DMAC2: variants seen among roughly 807,000 people sequenced by gnomAD.
DMAC2 encodes distal membrane-arm assembly complex protein 2.
A neutral mutation model predicts 29.6 loss-of-function variants in DMAC2; 32 were observed. The ratio of observed to expected loss-of-function variants is 1.08; its 90% confidence interval spans 0.81 to 1.45. The LOEUF (loss-of-function observed/expected upper bound fraction) is 1.45, where lower values mean the gene tolerates loss of function less well. Ranked by LOEUF, DMAC2 falls within the 40% of genes most tolerant of loss-of-function variation. The pLI, the probability that DMAC2 is intolerant of heterozygous loss-of-function variation, is 0.00. For missense variants in DMAC2, 319 were observed against 340.0 expected (o/e 0.94, Z 0.49); for synonymous variants, 133 against 137.4 (o/e 0.97, Z 0.23).
chr19:41,436,553 A>T, intron 2 of DMAC2, 81 bp from the exon 3 acceptor site: 1 of 1,095,136 alleles, frequency 9.1e-7, no homozygotes, highest in Non-Finnish European at 1.4e-6. Flanking sequence ...TAAGAGGGGC[A>T]GAGTCCAGAG....
chr19:41,432,589 A>T, intron 5 of DMAC2, 181 bp from the exon 6 acceptor site: 2 of 315,460 alleles, frequency 6.3e-6, no homozygotes, highest in Non-Finnish European at 1.1e-5. Context: ...GTGTGTGTGT[A>T]TAGGGAGGTA....
At position 41,433,310 on chromosome 19, in the gene DMAC2, G is replaced by A. The variant is rs782104547; in HGVS notation, c.558C>T (p.Arg186=). 23 of 1,611,140 alleles carry A rather than the reference G, an allele frequency of 1.4e-5. No homozygotes were observed. Among genetic ancestry groups the A allele is most frequent in the Non-Finnish European group, 1.9e-5 (23 of 1,179,878 alleles). The change falls in exon 5 of 6, where the codon CGC becomes CGT. Residue 186 remains arginine (R), a synonymous_variant. Coordinates refer to ENST00000221943, the MANE Select transcript of DMAC2 (RefSeq NM_018035.3). The stretch of plus-strand genomic sequence containing the variant: ...GGCAGGCGAGGCCCCGTTCGGAGAT[G>A]CGGGGGCAACCGGCCAGCGAGAGCT... ...LQELSLAGCP[R]ISERGLACLH... is the part of the protein sequence containing the mutation.
At position 41,438,419 on chromosome 19, in the gene DMAC2, G is replaced by A; in HGVS notation, c.19-5C>T. The A allele has an allele frequency of 3.7e-6, 6 of 1,610,248 alleles. No homozygotes were observed. Among genetic ancestry groups the A allele is most frequent in the East Asian group, 2.2e-5 (1 of 44,832 alleles). ...GGGGGCGACCAGGCGCAGGGACTGG[G>A]GAGGGGGAGAGGAAAGGAGCTGAGC... is the stretch of plus-strand genomic sequence containing the variant. On this transcript the variant is annotated splice_polypyrimidine_tract_variant and splice_region_variant and intron_variant, in intron 1 of 5. Coordinates refer to ENST00000221943, the MANE Select transcript of DMAC2 (RefSeq NM_018035.3).
chr19:41,433,713 C>G, intron 3 of DMAC2, 40 bp from the exon 4 acceptor site: 1 of 1,613,238 alleles, frequency 6.2e-7, no homozygotes, highest in Non-Finnish European at 8.5e-7. Flanking sequence ...GCACCTGAAC[C>G]TGCCCCAGGC....
Position 41,433,343 on chromosome 19 carries a change from C to T in DMAC2, c.525G>A (p.Ser175=), listed in dbSNP as rs35615017. 3.3e-3 allele frequency: 5,268 copies of T among 1,612,534 alleles called. 161 individuals are homozygous for T. The African/African-American group carries it at 0.06, about 18-fold the overall frequency. Residue 175 remains serine (S), a synonymous_variant, in exon 5 of 6, where the codon TCG becomes TCA. Transcript: ENST00000221943. The part of the protein sequence containing the change: ...CLSRLYPLAD[S]LQELSLAGCP... Reference sequence around the variant, plus strand: ...AACCGGCCAGCGAGAGCTCCTGCAACGAGTCGGCCAGTGGGTAGAGGCGGC... The same window carrying T: ...AACCGGCCAGCGAGAGCTCCTGCAATGAGTCGGCCAGTGGGTAGAGGCGGC...
rs1600018878 is a variant in DMAC2 at position 41,436,476 on chromosome 19, C to T, written c.216-4G>A. The T allele has an allele frequency of 1.2e-6, 2 of 1,613,844 alleles. No homozygotes were observed. Among genetic ancestry groups the T allele is most frequent in the Admixed American group, 3.3e-5 (2 of 60,000 alleles). On this transcript the variant is annotated splice_polypyrimidine_tract_variant and splice_region_variant and intron_variant, in intron 2 of 5. Coordinates refer to ENST00000221943, the MANE Select transcript of DMAC2 (RefSeq NM_018035.3). Reference sequence around the variant, plus strand: ...CTTCTCCAGCCAGGTGTAAGATCTGCAGAGAAAATGGTAGCTAAGGGTGAG... The same window carrying T: ...CTTCTCCAGCCAGGTGTAAGATCTGTAGAGAAAATGGTAGCTAAGGGTGAG...
At chr19:41,433,232 G>A (rs2039668894) in intron 5 of DMAC2, 40 bp downstream of exon 5, 1 of 1,568,556 alleles carries the variant, frequency 6.4e-7, no homozygotes, top group Admixed American at 1.8e-5. Context: ...AGGTGGGAGA[G>A]GTGCCTGGGC....
intron 3 of DMAC2, among the ~76,000 whole-genome samples, chr19:41,434,463 G>A (rs906020409): frequency 1.3e-5 from 2 of 151,236 alleles, no homozygotes; most frequent in Non-Finnish European, 2.9e-5. Context: ...GAGGGTCAGC[G>A]AGATTACAGA....
In DMAC2 at chr19:41,433,566, T is replaced by G. The variant is rs1448824470; in HGVS notation, c.404A>C (p.Asp135Ala). ...GTTATCCAGGCCCTCGTAGTTGATG[T>G]CACAGTCACCGGCATCCACAGCTTC... ...PVEAVDAGDC[D>A]INYEGLDNLL... The change falls in exon 4 of 6, where the codon GAC (aspartate) becomes GCC (alanine). Residue 135 changes from aspartate (D) to alanine (A), a missense_variant. Asp to Ala is a moderately radical substitution (Grantham distance 126, BLOSUM62 -2). Transcript: ENST00000221943. The G allele has an allele frequency of 6.2e-7, 1 of 1,614,036 alleles. No individual in the cohort carries two copies. The highest frequency in any genetic ancestry group is 8.5e-7 in the Non-Finnish European group (1 of 1,180,036).
intron 3 of DMAC2, among the ~76,000 whole-genome samples, chr19:41,434,239 A>C (rs1171659439): frequency 6.6e-6 from 1 of 151,182 alleles, no homozygotes; most frequent in African/African-American, 2.4e-5. Flanking sequence ...CATCTCAAAA[A>C]AAAAACAAAA....
At chr19:41,439,600 T>A (rs782398805) in intron 1 of DMAC2, 39 of 1,511,240 alleles carry the variant, frequency 2.6e-5, no homozygotes, top group Non-Finnish European at 3.3e-5. Context: ...CTCTGATTGG[T>A]TAGTCGCGTC....
At chr19:41,434,681 G>A (rs935782488) in intron 3 of DMAC2, among the ~76,000 whole-genome samples, 1 of 151,936 alleles carries the variant, frequency 6.6e-6, no homozygotes, top group African/African-American at 2.4e-5. Flanking sequence ...AAAGGAGGCG[G>A]GGAAGAAGGA....
intron 1 of DMAC2, 158 bp downstream of exon 1, chr19:41,439,724 C>A (rs577875476): frequency 1.5e-6 from 2 of 1,355,446 alleles, no homozygotes; most frequent in South Asian, 1.2e-5. Context: ...CCTTCCTGGC[C>A]CCCACTAGCC....
intron 2 of DMAC2, 57 bp downstream of exon 2, chr19:41,438,161 A>G (rs2039967690): frequency 2.6e-6 from 4 of 1,525,366 alleles, no homozygotes; most frequent in Non-Finnish European, 3.6e-6. Context: ...CAAGGACAGG[A>G]CCTGGGCTCT....
At chr19:41,434,397 CA>C (rs1160927067) in intron 3 of DMAC2, among the ~76,000 whole-genome samples, 1,061 of 63,252 alleles carry the variant, frequency 0.017, 4 homozygotes, top group South Asian at 0.05. Flanking sequence ...GACCCTATCT[CA>C]AAAAAAAAAA....
intron 1 of DMAC2, among the ~76,000 whole-genome samples, chr19:41,438,664 C>T (rs1446116998): frequency 3.3e-5 from 5 of 152,210 alleles, no homozygotes; most frequent in African/African-American, 9.7e-5. Context: ...CTAAATTCTT[C>T]CTCTAACTTT....
Position 41,433,522 on chromosome 19 carries a change from C to T in DMAC2, c.433+15G>A, listed in dbSNP as rs1555770176. On this transcript the variant is annotated intron_variant, in intron 4 of 5. Coordinates refer to ENST00000221943, the MANE Select transcript of DMAC2 (RefSeq NM_018035.3). ...AACATAGAGGCCTGTCCCATCTCCA[C>T]CCCACCGCACTCACGGAGGTTATCC... The T allele has an allele frequency of 6.2e-7, 1 of 1,614,196 alleles. No individual in the cohort carries two copies. The highest frequency in any genetic ancestry group is 2.2e-5 in the East Asian group (1 of 44,886).
intron 1 of DMAC2, chr19:41,438,837 G>T (rs142012292): frequency 1.6e-3 from 266 of 162,870 alleles, no homozygotes; most frequent in Non-Finnish European, 2.4e-3. Flanking sequence ...CAAGGAGAGG[G>T]TGCTCTGAGC....
chr19:41,439,594 G>A, intron 1 of DMAC2: 11 of 1,517,968 alleles, frequency 7.2e-6, no homozygotes, highest in Non-Finnish European at 9.7e-6. Context: ...CCCTCCCTCT[G>A]ATTGGTTAGT....
Sources: allele counts gnomAD v4.1 joint callset (sites outside exome capture counted in the v4.1 genomes callset), GRCh38; gene constraint gnomAD v4.1.1; transcripts MANE v1.5; gene names NCBI Gene and HGNC (gene_info 2026-07-23, HGNC 2026-07-21).